GABBR2: variants seen among roughly 807,000 people sequenced by gnomAD.
GABBR2 encodes gamma-aminobutyric acid type B receptor subunit 2.
GABBR2 carries 23 observed loss-of-function variants against 105.6 expected under a neutral mutation model. That is an observed-to-expected ratio of 0.22 (90% CI 0.16 to 0.31). GABBR2 has a LOEUF of 0.31. GABBR2 is among the 10% of genes least tolerant of loss of function. The pLI is 1.00. For synonymous variants in GABBR2, 478 were observed against 499.7 expected (o/e 0.96, Z 0.58); for missense variants, 734 against 1,245.5 (o/e 0.59, Z 6.18).
chr9:98,456,152 C>T (rs948553235), intron 6 of GABBR2, among the ~76,000 whole-genome samples: 2 of 152,090 alleles, frequency 1.3e-5, no homozygotes, highest in East Asian at 1.9e-4. Context: ...CATAGTCATC[C>T]CCGCCACTTT....
At chr9:98,696,410 C>T (rs1830751651) in intron 1 of GABBR2, among the ~76,000 whole-genome samples, 1 of 152,300 alleles carries the variant, frequency 6.6e-6, no homozygotes, top group African/African-American at 2.4e-5. Context: ...TGTGTTCCCA[C>T]CCCAAGAACA....
At chr9:98,570,101 C>T (rs1179336408) in intron 2 of GABBR2, among the ~76,000 whole-genome samples, 1 of 152,196 alleles carries the variant, frequency 6.6e-6, no homozygotes, top group Non-Finnish European at 1.5e-5. Flanking sequence ...CCTCTACACA[C>T]ATAGAGTCAA....
chr9:98,347,455 G>A (rs940149985), intron 13 of GABBR2, among the ~76,000 whole-genome samples: 4 of 151,952 alleles, frequency 2.6e-5, no homozygotes, highest in African/African-American at 9.7e-5. Context: ...TGAGTTCCTT[G>A]TATATTCTGG....
intron 2 of GABBR2, among the ~76,000 whole-genome samples, chr9:98,574,671 T>C (rs1288109067): frequency 1.3e-5 from 2 of 152,250 alleles, no homozygotes; most frequent in African/African-American, 4.8e-5. Context: ...AGTCCCCATC[T>C]TGTAACCCAG....
At chr9:98,328,425 C>T (rs1255177727) in intron 13 of GABBR2, among the ~76,000 whole-genome samples, 2 of 152,096 alleles carry the variant, frequency 1.3e-5, no homozygotes, top group African/African-American at 2.4e-5. Flanking sequence ...ATGTGTTTAC[C>T]GAGGCTCAAA....
At chr9:98,352,660 C>A (rs981997867) in intron 13 of GABBR2, among the ~76,000 whole-genome samples, 10 of 152,074 alleles carry the variant, frequency 6.6e-5, no homozygotes, top group Admixed American at 5.2e-4. Context: ...GCATGAGGGT[C>A]CTGCTGCTGG....
At chr9:98,498,626 G>A (rs1827333977) in intron 3 of GABBR2, among the ~76,000 whole-genome samples, 1 of 152,108 alleles carries the variant, frequency 6.6e-6, no homozygotes, top group South Asian at 2.1e-4. Context: ...CAAGTCCTTG[G>A]GTGTTTATTT....
chr9:98,296,508 A>G (rs1830385051), intron 17 of GABBR2, among the ~76,000 whole-genome samples: 1 of 152,226 alleles, frequency 6.6e-6, no homozygotes, highest in Admixed American at 6.5e-5. Context: ...AGCATTTGAG[A>G]ATGCCTCTCT....
chr9:98,368,106 G>A (rs560992594), intron 12 of GABBR2, among the ~76,000 whole-genome samples: 7 of 151,706 alleles, frequency 4.6e-5, no homozygotes, highest in South Asian at 2.1e-4. Context: ...CATTTCCCCC[G>A]CTGGTCCTGA....
Position 98,708,580 on chromosome 9 carries a change from C to T in GABBR2, c.158G>A (p.Ser53Asn), listed in dbSNP as rs1830933565. 2 of 1,503,516 alleles carry T rather than the reference C, an allele frequency of 1.3e-6. No homozygotes were observed. The highest frequency in any genetic ancestry group is 2.8e-5 in the African/African-American group (2 of 70,426). 93.1% of individuals were successfully genotyped at this position (1,503,516 alleles called of 1,614,324 possible). Reference protein sequence around the residue: ...ARGAPRPPPSSPPLSIMGLMP... With the variant: ...ARGAPRPPPSNPPLSIMGLMP... The stretch of plus-strand genomic sequence containing the variant: ...GAGGCCCATGATGGAGAGCGGCGGG[C>T]TGCTGGGCGGCGGCCGGGGGGCGCC... Residue 53 changes from serine to asparagine, a missense_variant, in exon 1 of 19, where the codon AGC becomes AAC. By Grantham distance (46) the Ser-to-Asn change is conservative. Coordinates refer to ENST00000259455, the MANE Select transcript of GABBR2 (RefSeq NM_005458.8).
At chr9:98,379,971 T>C (rs555842442) in intron 11 of GABBR2, among the ~76,000 whole-genome samples, 24 of 146,146 alleles carry the variant, frequency 1.6e-4, no homozygotes, top group African/African-American at 5.7e-4. Context: ...CTTAGTTGAC[T>C]TTTTTTTTTT....
chr9:98,372,834 G>A (rs187411996), intron 11 of GABBR2, among the ~76,000 whole-genome samples: 2 of 152,326 alleles, frequency 1.3e-5, no homozygotes, highest in African/African-American at 4.8e-5. Context: ...TTTTTAGATT[G>A]CAAGGCTGAC....
intron 8 of GABBR2, among the ~76,000 whole-genome samples, chr9:98,402,168 G>A (rs574169061): frequency 6.6e-6 from 1 of 152,160 alleles, no homozygotes; most frequent in African/African-American, 2.4e-5. Context: ...CTTACAAATA[G>A]GCCTAATGAA....
intron 7 of GABBR2, among the ~76,000 whole-genome samples, chr9:98,449,668 G>A (rs1826198923): frequency 6.6e-6 from 1 of 152,178 alleles, no homozygotes; most frequent in South Asian, 2.1e-4. Context: ...GCTGAGCTGG[G>A]TTCCAAGCCC....
chr9:98,487,788 G>T (rs1410342128), intron 4 of GABBR2, among the ~76,000 whole-genome samples: 1 of 151,886 alleles, frequency 6.6e-6, no homozygotes, highest in East Asian at 1.9e-4. Context: ...CACTCCCCCA[G>T]TCCCCCAAAA....
chr9:98,449,240 T>C (rs531642046), intron 7 of GABBR2, among the ~76,000 whole-genome samples: 1 of 152,142 alleles, frequency 6.6e-6, no homozygotes, highest in Non-Finnish European at 1.5e-5. Flanking sequence ...AGCGAAACCG[T>C]CTTTCCTCCA....
At chr9:98,481,229 G>C (rs550655410) in intron 4 of GABBR2, among the ~76,000 whole-genome samples, 1 of 152,322 alleles carries the variant, frequency 6.6e-6, no homozygotes, top group South Asian at 2.1e-4. Flanking sequence ...TGGTCTCATG[G>C]GCAAGCCCTA....
intron 1 of GABBR2, among the ~76,000 whole-genome samples, chr9:98,606,477 TTTTTTC>T (rs1829422943): frequency 1.1e-5 from 1 of 90,512 alleles, no homozygotes; most frequent in African/African-American, 3.9e-5. Context: ...ATTATCTTTT[TTTTTTC>T]TTTTTTTTTT....
chr9:98,662,819 C>T (rs952114584), intron 1 of GABBR2, among the ~76,000 whole-genome samples: 1 of 152,144 alleles, frequency 6.6e-6, no homozygotes, highest in Non-Finnish European at 1.5e-5. Context: ...CACGTGTATC[C>T]CCCCATCTCT....
Sources: allele counts gnomAD v4.1 joint callset (sites outside exome capture counted in the v4.1 genomes callset), GRCh38; gene constraint gnomAD v4.1.1; transcripts MANE v1.5; gene names NCBI Gene and HGNC (gene_info 2026-07-23, HGNC 2026-07-21).